Variants in EEFSEC observed in about 807,000 individuals in gnomAD.
EEFSEC encodes selenocysteine-specific elongation factor.
EEFSEC carries 43 observed loss-of-function variants against 42.1 expected under a neutral mutation model. That is an observed-to-expected ratio of 1.02 (90% CI 0.80 to 1.32). The LOEUF (loss-of-function observed/expected upper bound fraction) is 1.32. Among genes scored for constraint, EEFSEC ranks in the 40% most tolerant of loss-of-function variants. The pLI is 0.00. For synonymous variants in EEFSEC, 354 were observed against 339.1 expected (o/e 1.04, Z -0.48); for missense variants, 745 against 803.6 (o/e 0.93, Z 0.88).
intron 1 of EEFSEC, among the ~76,000 whole-genome samples, chr3:128,192,978 G>T (rs988441172): frequency 2.0e-5 from 3 of 152,152 alleles, no homozygotes; most frequent in African/African-American, 7.2e-5. Context: ...TTAGAGCCTG[G>T]GTTCAAATGT....
chr3:128,343,670 C>T (rs938319135), intron 5 of EEFSEC, among the ~76,000 whole-genome samples: 12 of 152,352 alleles, frequency 7.9e-5, no homozygotes, highest in African/African-American at 2.9e-4. Context: ...CCACTCAGGC[C>T]TGTCAACAGC....
intron 6 of EEFSEC, among the ~76,000 whole-genome samples, chr3:128,394,936 A>T (rs1395470719): frequency 6.6e-6 from 1 of 152,184 alleles, no homozygotes; most frequent in East Asian, 1.9e-4. Context: ...CCCCTTGGCC[A>T]GCCATTGGGT....
intron 1 of EEFSEC, among the ~76,000 whole-genome samples, chr3:128,229,188 C>A (rs1176861447): frequency 6.6e-6 from 1 of 152,232 alleles, no homozygotes; most frequent in African/African-American, 2.4e-5. Context: ...TGTTTTTACA[C>A]AGCATATGTA....
At chr3:128,308,365 T>A (rs1450993602) in intron 4 of EEFSEC, among the ~76,000 whole-genome samples, 1 of 152,180 alleles carries the variant, frequency 6.6e-6, no homozygotes, top group Non-Finnish European at 1.5e-5. Flanking sequence ...GGAGGGGGAA[T>A]TGGGAGAAGA....
At chr3:128,396,640 G>A (rs1381096939) in intron 6 of EEFSEC, among the ~76,000 whole-genome samples, 2 of 152,188 alleles carry the variant, frequency 1.3e-5, no homozygotes, top group Admixed American at 1.3e-4. Context: ...GTGCTGTGAA[G>A]GGTTTGAGCT....
At chr3:128,379,691 G>A (rs867511568) in intron 6 of EEFSEC, among the ~76,000 whole-genome samples, 6 of 152,204 alleles carry the variant, frequency 3.9e-5, no homozygotes, top group Non-Finnish European at 8.8e-5. Context: ...GCGGCAATCG[G>A]AGGCCCTGTG....
At chr3:128,403,841 C>T (rs1441848091) in intron 6 of EEFSEC, among the ~76,000 whole-genome samples, 2 of 152,188 alleles carry the variant, frequency 1.3e-5, no homozygotes, top group Admixed American at 6.5e-5. Flanking sequence ...CAGCCCTGTC[C>T]CCACACAGTG....
At chr3:128,390,509 C>T (rs1390224758) in intron 6 of EEFSEC, among the ~76,000 whole-genome samples, 2 of 152,216 alleles carry the variant, frequency 1.3e-5, no homozygotes, top group Non-Finnish European at 2.9e-5. Context: ...AAAACCTAAC[C>T]CAGAATGTTA....
chr3:128,409,830 A>G (rs930509015), downstream of EEFSEC, among the ~76,000 whole-genome samples: 2 of 151,910 alleles, frequency 1.3e-5, no homozygotes, highest in African/African-American at 4.8e-5. Flanking sequence ...CCCCGACCCC[A>G]CTGTGTGCTG....
At chr3:128,388,667 T>C (rs1473458009) in intron 6 of EEFSEC, among the ~76,000 whole-genome samples, 1 of 152,198 alleles carries the variant, frequency 6.6e-6, no homozygotes, top group Non-Finnish European at 1.5e-5. Flanking sequence ...GTACCCCTCA[T>C]CCCTTTGCCT....
At chr3:128,254,535 G>GA (rs1475130841) in intron 2 of EEFSEC, among the ~76,000 whole-genome samples, 2 of 152,218 alleles carry the variant, frequency 1.3e-5, no homozygotes, top group Non-Finnish European at 2.9e-5. Context: ...CTGTGGAATG[G>GA]AAATTAGTCC....
At chr3:128,174,529 C>A (rs939170034) in intron 1 of EEFSEC, among the ~76,000 whole-genome samples, 1 of 152,120 alleles carries the variant, frequency 6.6e-6, no homozygotes, top group Non-Finnish European at 1.5e-5. Flanking sequence ...AAGAACTTCC[C>A]AGAGAGTGGA....
At chr3:128,415,180 G>T in the EEFSEC span, among the ~76,000 whole-genome samples, 1 of 152,160 alleles carries the variant, frequency 6.6e-6, no homozygotes, top group African/African-American at 2.4e-5. Flanking sequence ...CGCAGAGATG[G>T]GTCATTGGCA....
intron 6 of EEFSEC, among the ~76,000 whole-genome samples, chr3:128,372,086 G>T (rs2067660652): frequency 6.6e-6 from 1 of 152,210 alleles, no homozygotes; most frequent in African/African-American, 2.4e-5. Context: ...GTAGTTTTAG[G>T]GAAAATTTGT....
At chr3:128,362,667 G>A (rs1016356300) in intron 6 of EEFSEC, among the ~76,000 whole-genome samples, 1 of 152,176 alleles carries the variant, frequency 6.6e-6, no homozygotes, top group African/African-American at 2.4e-5. Flanking sequence ...ATTACCACTC[G>A]CGTGCCCATG....
At chr3:128,391,157 C>T (rs774329220) in intron 6 of EEFSEC, among the ~76,000 whole-genome samples, 12 of 152,254 alleles carry the variant, frequency 7.9e-5, no homozygotes, top group Non-Finnish European at 1.5e-4. Context: ...TAGGTGCTCG[C>T]TAGCATTCTT....
chr3:128,318,717 A>T (rs185630204), intron 4 of EEFSEC, among the ~76,000 whole-genome samples: 3 of 152,320 alleles, frequency 2.0e-5, no homozygotes, highest in Admixed American at 1.3e-4. Flanking sequence ...ATGGCAAGCC[A>T]TTCTGGTCTT....
At chr3:128,245,099 A>G (rs1486403499) in intron 1 of EEFSEC, among the ~76,000 whole-genome samples, 4 of 152,176 alleles carry the variant, frequency 2.6e-5, no homozygotes, top group Non-Finnish European at 5.9e-5. Flanking sequence ...GCTCCTGCCC[A>G]GCAGTATATG....
chr3:128,202,828 C>G (rs965879633), intron 1 of EEFSEC, among the ~76,000 whole-genome samples: 6 of 152,150 alleles, frequency 3.9e-5, no homozygotes, highest in African/African-American at 1.4e-4. Context: ...GGAAATTCCT[C>G]CTGTTCCTAG....
Sources: allele counts gnomAD v4.1 joint callset (sites outside exome capture counted in the v4.1 genomes callset), GRCh38; gene constraint gnomAD v4.1.1; transcripts MANE v1.5; gene names NCBI Gene and HGNC (gene_info 2026-07-23, HGNC 2026-07-21).